The following FAM216B variants were observed in gnomAD, a reference collection of about 807,000 sequenced individuals.
The protein encoded by FAM216B is family with sequence similarity 216 member B.
Under a neutral mutation model 12.9 loss-of-function variants are expected in FAM216B, and 11 were observed. The ratio of observed to expected loss-of-function variants is 0.86; its 90% CI spans 0.54 to 1.42. The LOEUF is 1.42. Among genes scored for constraint, FAM216B ranks in the 40% most tolerant of loss-of-function variants. FAM216B has a pLI of 0.00. For missense variants in FAM216B, 167 were observed against 162.9 expected (o/e 1.02, Z -0.14); for synonymous variants, 52 against 57.2 (o/e 0.91, Z 0.41).
chr13:42,786,532 A>T (rs981492313), intron 2 of FAM216B, among the ~76,000 whole-genome samples: 1 of 151,972 alleles, frequency 6.6e-6, no homozygotes, highest in Non-Finnish European at 1.5e-5. Flanking sequence ...ATTACCTAGA[A>T]TTTTTTACTC....
Position 42,784,040 on chromosome 13 carries a change from G to A in FAM216B, c.-14-14G>A, listed in dbSNP as rs1324422. 0.2 allele frequency: 309,604 copies of A among 1,542,520 alleles called. 33,242 individuals carry two copies. Among genetic ancestry groups the A allele is most frequent in the East Asian group, 0.35 (15,541 of 44,134 alleles). On this transcript the variant is annotated splice_polypyrimidine_tract_variant and intron_variant, in intron 1 of 3. Transcript: ENST00000313851. Reference sequence around the variant, plus strand: ...TAAAAGAAATTTTATGCTATGCTTTGTTGTTTCTTGGAGGTATAGGATAAA... The same window carrying A: ...TAAAAGAAATTTTATGCTATGCTTTATTGTTTCTTGGAGGTATAGGATAAA...
At chr13:42,782,450 G>T (rs955243146) in intron 1 of FAM216B, among the ~76,000 whole-genome samples, 1 of 152,170 alleles carries the variant, frequency 6.6e-6, no homozygotes, top group African/African-American at 2.4e-5. Context: ...AGTTCTAAAG[G>T]CCATACAGCC....
chr13:42,786,296 T>C (rs1401323427), intron 2 of FAM216B, among the ~76,000 whole-genome samples: 1 of 152,068 alleles, frequency 6.6e-6, no homozygotes, highest in Non-Finnish European at 1.5e-5. Flanking sequence ...GTTTACATTG[T>C]TTGTTTTCAT....
rs774876927 is a variant in FAM216B, at chr13:42,784,143, A to G, written c.76A>G (p.Ile26Val). 3.8e-6 allele frequency: 6 copies of G among 1,567,456 alleles called. No homozygotes were observed. In the East Asian group the frequency reaches 1.1e-4, roughly 30 times the overall value. The change falls in exon 2 of 4, where the codon ATC (isoleucine) becomes GTC (valine). Residue 26 changes from isoleucine to valine, a missense_variant. Physicochemically the swap from Ile to Val is conservative, Grantham distance 29 (BLOSUM62 3). Transcript: ENST00000313851. ...TCCTTTTATTCGAGTTCCTCCCTCC[A>G]TCTATGACACTTCCTTACTAAAGGT... ...QLPFIRVPPS[I>V]YDTSLLKALN... is the part of the protein sequence containing the mutation.
chr13:42,791,153 A>C lies in FAM216B; in HGVS notation c.*2363A>C, dbSNP rs934451035. 6.6e-6 allele frequency: 1 copy of C among 152,246 alleles called. No individual in the cohort carries two copies. Among genetic ancestry groups the C allele is most frequent in the African/African-American group, 2.4e-5 (1 of 41,476 alleles). The allele number at this position is 152,246 out of a possible 1,614,324, so 9.4% of individuals were successfully genotyped here. On this transcript the variant is annotated 3_prime_UTR_variant, in exon 4 of 4. Coordinates refer to ENST00000313851, the MANE Select transcript of FAM216B (RefSeq NM_001318932.2). ...AAATAATATCAGTGATAAAGTATTC[A>C]TCCCCCAAAATATTTTATTGAACTA...
Position 42,788,953 on chromosome 13 carries a change from G to A in FAM216B, c.*163G>A, listed in dbSNP as rs1874203336. 2 of 651,442 alleles carry A rather than the reference G, an allele frequency of 3.1e-6. No homozygotes were observed. The highest frequency in any genetic ancestry group is 2.6e-5 in the South Asian group (1 of 38,526). 40.4% of individuals were successfully genotyped at this position (651,442 alleles called of 1,614,324 possible). A position where few individuals can be genotyped will look rare whatever the true frequency, so the allele number is the denominator to read the frequency against. ...ATAAATTTTGCCAGCAAGACCAAGA[G>A]GTTTAAGAGCAATGGAGCCGAGAGT... On this transcript the variant is annotated 3_prime_UTR_variant, in exon 4 of 4. Coordinates refer to ENST00000313851, the MANE Select transcript of FAM216B (RefSeq NM_001318932.2).
intron 2 of FAM216B, 116 bp from the exon 3 acceptor site, chr13:42,786,647 A>AAAC: frequency 7.3e-7 from 1 of 1,364,854 alleles, no homozygotes; most frequent in Non-Finnish European, 9.8e-7. Context: ...AAAAAAAAAA[A>AAAC]ACATATGGTT....
intron 1 of FAM216B, among the ~76,000 whole-genome samples, chr13:42,783,140 C>G (rs1337635941): frequency 3.9e-5 from 6 of 152,060 alleles, no homozygotes; most frequent in African/African-American, 7.2e-5. Flanking sequence ...GAGATCTTAT[C>G]TCTACTAACA....
chr13:42,784,348 ACCT>A (rs1269750106), intron 2 of FAM216B, among the ~76,000 whole-genome samples, 182 bp downstream of exon 2: 1 of 151,318 alleles, frequency 6.6e-6, no homozygotes, highest in Non-Finnish European at 1.5e-5. Flanking sequence ...CACTTGGGTA[ACCT>A]CCTACACTCG....
intron 3 of FAM216B, among the ~76,000 whole-genome samples, chr13:42,787,879 C>T (rs1417898432): frequency 6.6e-6 from 1 of 152,180 alleles, no homozygotes. Context: ...TGGCAGGTGT[C>T]TTTATGACCT....
rs937198730 is a variant in FAM216B at position 42,790,868 on chromosome 13, T to C, written c.*2078T>C. 2 of 152,192 alleles carry C rather than the reference T, an allele frequency of 1.3e-5. No homozygotes were observed. The highest frequency in any genetic ancestry group is 1.3e-4 in the Admixed American group (2 of 15,272). 9.4% of individuals were successfully genotyped at this position (152,192 alleles called of 1,614,324 possible). A position where few individuals can be genotyped will look rare whatever the true frequency, so the allele number is the denominator to read the frequency against. ...CCCGGTTGCGGTAGGCAATCAATAA[T>C]ACTCTTTGAATAATAATGAGGTTTT... On this transcript the variant is annotated 3_prime_UTR_variant, in exon 4 of 4. Transcript: ENST00000313851.
intron 1 of FAM216B, 45 bp downstream of exon 1, chr13:42,781,709 T>G (rs1403843362): frequency 6.6e-6 from 1 of 152,224 alleles, no homozygotes; most frequent in African/African-American, 2.4e-5. Context: ...TCAGATATAT[T>G]ATTTTGTAGA....
chr13:42,786,900 G>T lies in FAM216B; in HGVS notation c.220+17G>T. ...AGCTGCTTGGTAAGTTTAACTACGT[G>T]ATCCAAACTAAGCACCTAAGGAATC... On this transcript the variant is annotated intron_variant, in intron 3 of 3. Coordinates refer to ENST00000313851, the MANE Select transcript of FAM216B (RefSeq NM_001318932.2). The T allele has an allele frequency of 1.2e-6, 2 of 1,612,992 alleles. No homozygotes were observed. The highest frequency in any genetic ancestry group is 2.2e-5 in the South Asian group (2 of 90,912).
At chr13:42,782,195 A>G (rs1436172811) in intron 1 of FAM216B, among the ~76,000 whole-genome samples, 1 of 152,258 alleles carries the variant, frequency 6.6e-6, no homozygotes, top group African/African-American at 2.4e-5. Context: ...AACTCAAATC[A>G]GTCTCCACAT....
intron 2 of FAM216B, 84 bp from the exon 3 acceptor site, chr13:42,786,679 C>A: frequency 1.4e-6 from 2 of 1,454,190 alleles, no homozygotes; most frequent in Non-Finnish European, 1.8e-6. Flanking sequence ...CCTCTTATTT[C>A]CATAAAAGTT....
At position 42,790,180 on chromosome 13, in the gene FAM216B, C is replaced by G. The variant is rs1874263258; in HGVS notation, c.*1390C>G. Reference sequence around the variant, plus strand: ...CATAGGCTTAGAAGAAGAAAAGACTCCAGTGGGACTGGGATGAGCTGCGTG... The same window carrying G: ...CATAGGCTTAGAAGAAGAAAAGACTGCAGTGGGACTGGGATGAGCTGCGTG... On this transcript the variant is annotated 3_prime_UTR_variant, in exon 4 of 4. Transcript: ENST00000313851. 1 of 152,180 alleles carries G rather than the reference C, an allele frequency of 6.6e-6. No individual in the cohort carries two copies. The highest frequency in any genetic ancestry group is 2.4e-5 in the African/African-American group (1 of 41,436). The allele number at this position is 152,180 out of a possible 1,614,324, so 9.4% of individuals were successfully genotyped here.
At chr13:42,783,067 T>C (rs1430482383) in intron 1 of FAM216B, among the ~76,000 whole-genome samples, 1 of 152,174 alleles carries the variant, frequency 6.6e-6, no homozygotes, top group Non-Finnish European at 1.5e-5. Flanking sequence ...CCCAGCACTT[T>C]GGGAGCCTGA....
intron 2 of FAM216B, among the ~76,000 whole-genome samples, chr13:42,784,678 A>AAT (rs1358744218): frequency 6.8e-6 from 1 of 146,490 alleles, no homozygotes; most frequent in East Asian, 2.0e-4. Context: ...AAAAAAAAAA[A>AAT]AAAAAATTAG....
chr13:42,784,863 T>TA (rs1004592898), intron 2 of FAM216B, among the ~76,000 whole-genome samples: 14 of 145,160 alleles, frequency 9.6e-5, no homozygotes, highest in African/African-American at 2.3e-4. Flanking sequence ...AAATTAAAAA[T>TA]AAAAAAAAAA....
Sources: gnomAD v4.1 joint callset for allele counts (sites outside exome capture counted in the v4.1 genomes callset) on GRCh38, gnomAD v4.1.1 for gene constraint, MANE v1.5 for transcripts, NCBI Gene and HGNC (gene_info 2026-07-23, HGNC 2026-07-21) for gene names.